The following PSTPIP2 variants were observed in gnomAD, a reference collection of about 807,000 sequenced individuals.
PSTPIP2 encodes proline-serine-threonine phosphatase-interacting protein 2.
Under a neutral mutation model 63.3 loss-of-function variants are expected in PSTPIP2, and 33 were observed. The observed-to-expected ratio is 0.52, with a 90% confidence interval of 0.40 to 0.70. The LOEUF is 0.70. PSTPIP2 is among the 30% of genes least tolerant of loss of function. The probability of loss-of-function intolerance (pLI) is 0.00; values close to 1 mark genes in which losing one functional copy is unlikely to be tolerated. For synonymous variants in PSTPIP2, 125 were observed against 132.7 expected (o/e 0.94, Z 0.40); for missense variants, 312 against 400.7 (o/e 0.78, Z 1.89).
chr18:46,067,413 G>C (rs1909231398), intron 1 of PSTPIP2, among the ~76,000 whole-genome samples: 1 of 150,388 alleles, frequency 6.6e-6, no homozygotes, highest in Admixed American at 6.7e-5. Flanking sequence ...TGAGGCAGGA[G>C]AATGGTGTGA....
intron 1 of PSTPIP2, among the ~76,000 whole-genome samples, chr18:46,061,286 G>A (rs934820196): frequency 1.3e-5 from 2 of 150,874 alleles, no homozygotes; most frequent in African/African-American, 2.4e-5. Flanking sequence ...CCTGGTCAAC[G>A]GAGCGAGACT....
chr18:45,987,234 G>A (rs1241858475), intron 14 of PSTPIP2, among the ~76,000 whole-genome samples: 3 of 152,186 alleles, frequency 2.0e-5, no homozygotes, highest in Non-Finnish European at 4.4e-5. Flanking sequence ...TTAGAGGACT[G>A]GAGACAAACA....
chr18:46,024,600 G>C lies in PSTPIP2; in HGVS notation c.212+9C>G, dbSNP rs113730529. ...CAACCTGGAAACCAGAAAAAAACTT[G>C]ATACATACTTGATTTCAGACTGTCC... is the stretch of plus-strand genomic sequence containing the variant. On this transcript the variant is annotated intron_variant, in intron 3 of 14. Transcript: ENST00000409746. 2.5e-6 allele frequency: 4 copies of C among 1,611,520 alleles called. No individual in the cohort carries two copies. The highest frequency in any genetic ancestry group is 3.4e-6 in the Non-Finnish European group (4 of 1,177,726).
At chr18:46,045,699 T>A (rs935697468) in intron 1 of PSTPIP2, among the ~76,000 whole-genome samples, 3 of 150,370 alleles carry the variant, frequency 2.0e-5, no homozygotes, top group African/African-American at 7.3e-5. Context: ...AAATAAATAA[T>A]TACCAAGGGC....
chr18:46,029,478 G>T, intron 2 of PSTPIP2: 1 of 1,038,322 alleles, frequency 9.6e-7, no homozygotes, highest in Non-Finnish European at 1.5e-6. Context: ...GATTAAGGCA[G>T]TTTATATGGA....
At chr18:46,070,697 G>C (rs1909363117) in intron 1 of PSTPIP2, among the ~76,000 whole-genome samples, 1 of 151,158 alleles carries the variant, frequency 6.6e-6, no homozygotes, top group African/African-American at 2.4e-5. Context: ...AGATTTTTTT[G>C]TAGAGACAGA....
At chr18:46,017,392 T>C (rs897541167) in intron 3 of PSTPIP2, among the ~76,000 whole-genome samples, 9 of 152,188 alleles carry the variant, frequency 5.9e-5, no homozygotes, top group Admixed American at 5.2e-4. Context: ...TTTTAATTTA[T>C]CATTCTTGGG....
intron 13 of PSTPIP2, 144 bp from the exon 14 acceptor site, chr18:45,988,903 T>A: frequency 1.5e-6 from 1 of 677,828 alleles, no homozygotes; most frequent in Non-Finnish European, 2.6e-6. Context: ...ACAAAAACTA[T>A]AAATGGTAGT....
At chr18:46,039,071 T>C (rs1403913848) in intron 2 of PSTPIP2, among the ~76,000 whole-genome samples, 1 of 152,212 alleles carries the variant, frequency 6.6e-6, no homozygotes, top group East Asian at 1.9e-4. Flanking sequence ...TCTGTATCTC[T>C]GGGTTCTGAG....
In PSTPIP2 at chr18:46,072,159, A is replaced by T. The variant is rs1347616015; in HGVS notation, c.30T>A (p.Phe10Leu). ...CGCTGTCGGCCCCACGACTTACCCA[A>T]AAGTTTCCCTTGAACAGTGAGCGCG... MTRSLFKGNFWSADILSTIG... is the reference protein window; with the variant it reads MTRSLFKGNLWSADILSTIG... Residue 10 changes from phenylalanine to leucine, a missense_variant, in exon 1 of 15, where the codon TTT (phenylalanine) becomes TTA (leucine). By Grantham distance (22) the Phe-to-Leu change is conservative. Transcript: ENST00000409746. 1 of 1,535,690 alleles carries T rather than the reference A, an allele frequency of 6.5e-7. No individual in the cohort carries two copies.
intron 2 of PSTPIP2, among the ~76,000 whole-genome samples, chr18:46,037,438 C>T (rs1332864721): frequency 2.6e-5 from 4 of 152,144 alleles, no homozygotes; most frequent in Non-Finnish European, 4.4e-5. Context: ...TGAGCCACCA[C>T]GCCCTGCCTC....
chr18:45,988,780 A>G, intron 13 of PSTPIP2, 21 bp from the exon 14 acceptor site: 1 of 1,534,220 alleles, frequency 6.5e-7, no homozygotes, highest in African/African-American at 1.4e-5. Flanking sequence ...CAGAACACAG[A>G]AAACAACAGT....
chr18:45,989,235 A>T (rs184670418), intron 13 of PSTPIP2, among the ~76,000 whole-genome samples: 1 of 151,842 alleles, frequency 6.6e-6, no homozygotes, highest in East Asian at 1.9e-4. Context: ...CTCATCTTGA[A>T]TTGTATCTCC....
intron 12 of PSTPIP2, among the ~76,000 whole-genome samples, chr18:45,991,653 A>C (rs1047908792): frequency 3.3e-5 from 5 of 152,214 alleles, no homozygotes; most frequent in Non-Finnish European, 7.3e-5. Context: ...TCTACAGACT[A>C]TAAGAAAAGT....
At chr18:46,019,392 A>C (rs567705492) in intron 3 of PSTPIP2, among the ~76,000 whole-genome samples, 19 of 152,294 alleles carry the variant, frequency 1.2e-4, no homozygotes, top group African/African-American at 4.6e-4. Flanking sequence ...TCTCACATGA[A>C]CATTTGCGCC....
intron 6 of PSTPIP2, 25 bp from the exon 7 acceptor site, chr18:45,999,559 C>A (rs779856435): frequency 6.2e-7 from 1 of 1,612,308 alleles, no homozygotes; most frequent in South Asian, 1.1e-5. Flanking sequence ...ACAAAGAGAA[C>A]CAAAACAAAT....
chr18:46,012,938 T>C (rs763786637), intron 4 of PSTPIP2, among the ~76,000 whole-genome samples: 1 of 152,210 alleles, frequency 6.6e-6, no homozygotes, highest in Non-Finnish European at 1.5e-5. Context: ...ATACTACTTA[T>C]GTATATGAAT....
intron 5 of PSTPIP2, among the ~76,000 whole-genome samples, chr18:46,009,388 A>AAC (rs1568215038): frequency 9.2e-6 from 1 of 108,150 alleles, no homozygotes; most frequent in Non-Finnish European, 1.9e-5. Context: ...AAAAAAAAAA[A>AAC]AAACCTAGCT....
chr18:45,993,798 T>A, intron 9 of PSTPIP2, 95 bp from the exon 10 acceptor site: 1 of 1,042,992 alleles, frequency 9.6e-7, no homozygotes, highest in Non-Finnish European at 1.5e-6. Context: ...AACCTTCAGT[T>A]ATCTGTAAAC....
Sources: allele counts gnomAD v4.1 joint callset (sites outside exome capture counted in the v4.1 genomes callset), GRCh38; gene constraint gnomAD v4.1.1; transcripts MANE v1.5; gene names NCBI Gene and HGNC (gene_info 2026-07-23, HGNC 2026-07-21).